Variants in NR2C1 observed in about 807,000 individuals in gnomAD.
The protein encoded by NR2C1 is TR2 nuclear hormone receptor.
In NR2C1, 33 loss-of-function variants were observed where a neutral mutation model predicts 74.8. The ratio of observed to expected loss-of-function variants is 0.44; its 90% CI spans 0.33 to 0.59. NR2C1 has a LOEUF of 0.59. NR2C1 is among the 20% of genes least tolerant of loss of function. The pLI, the probability that NR2C1 is intolerant of heterozygous loss-of-function variation, is 0.02. For missense variants in NR2C1, 568 were observed against 715.6 expected, an observed-to-expected ratio of 0.79 and a Z score of 2.35; for synonymous variants, 225 against 240.6, an observed-to-expected ratio of 0.94 and a Z score of 0.60.
In NR2C1 at chr12:95,059,821, GTAGTGTGGTAGT is replaced by G. The variant is rs1874477858; in HGVS notation, c.364+73_364+84del. 6.3e-5 allele frequency: 55 copies of G among 870,252 alleles called. No homozygotes were observed. In the South Asian group the frequency reaches 9.3e-4, roughly 15 times the overall value. 53.9% of individuals were successfully genotyped at this position (870,252 alleles called of 1,614,324 possible). A position where few individuals can be genotyped will look rare whatever the true frequency, so the allele number is the denominator to read the frequency against. On this transcript the variant is annotated intron_variant, in intron 4 of 13. Transcript: ENST00000333003. ...TCTTACTTTTAGTAGAAGAAACATGGTAGTGTGGTAGTTATTTCAACAACACGACACATATAG... is the reference window on the plus strand; with the variant it reads ...TCTTACTTTTAGTAGAAGAAACATGGTATTTCAACAACACGACACATATAG...
Position 95,031,339 on chromosome 12 carries a change from T to TGC in NR2C1, c.1393+8_1393+9dup. 6.4e-7 allele frequency: 1 copy of TGC among 1,570,170 alleles called. No individual in the cohort carries two copies. On this transcript the variant is annotated intron_variant, in intron 11 of 13. Coordinates refer to ENST00000333003, the MANE Select transcript of NR2C1 (RefSeq NM_003297.4). ...TACAACCTGGAAAAGGTAAGGAAGGTGCTTTTTACCTTGTTGAAGACTATT... is the reference window on the plus strand; with the variant it reads ...TACAACCTGGAAAAGGTAAGGAAGGTGCGCTTTTTACCTTGTTGAAGACTATT...
At chr12:95,063,365 G>A (rs1312977716) in intron 2 of NR2C1, among the ~76,000 whole-genome samples, 2 of 152,150 alleles carry the variant, frequency 1.3e-5, no homozygotes, top group East Asian at 3.9e-4. Context: ...ACAAGGCACA[G>A]CAATAGAGAT....
At chr12:95,030,694 G>A in intron 11 of NR2C1, 1 of 1,601,864 alleles carries the variant, frequency 6.2e-7, no homozygotes. Context: ...AATAGAATAT[G>A]CTAAAGAACT....
chr12:95,042,559 G>A (rs1464325191), intron 9 of NR2C1, among the ~76,000 whole-genome samples: 2 of 150,818 alleles, frequency 1.3e-5, no homozygotes, highest in African/African-American at 5.0e-5. Context: ...GCCCCTCAAA[G>A]GTATCTTCTA....
chr12:95,033,781 A>G (rs1450456392), intron 10 of NR2C1, among the ~76,000 whole-genome samples: 1 of 152,252 alleles, frequency 6.6e-6, no homozygotes, highest in Non-Finnish European at 1.5e-5. Flanking sequence ...AGACCAATGC[A>G]GTACATGGTA....
chr12:95,020,799 C>G lies in NR2C1; in HGVS notation c.*1430G>C, dbSNP rs1452368737. 1 of 152,120 alleles carries G rather than the reference C, an allele frequency of 6.6e-6. No individual in the cohort carries two copies. The highest frequency in any genetic ancestry group is 1.5e-5 in the Non-Finnish European group (1 of 68,020). The allele number at this position is 152,120 out of a possible 1,614,324, so 9.4% of individuals were successfully genotyped here. A position where few individuals can be genotyped will look rare whatever the true frequency, so the allele number is the denominator to read the frequency against. On this transcript the variant is annotated 3_prime_UTR_variant, in exon 14 of 14. Transcript: ENST00000333003. Reference sequence around the variant, plus strand: ...TCAGGTTTGCTAAAAGAATAAATTACTGTGGAAGACATCCGAGGAGTCTAA... The same window carrying G: ...TCAGGTTTGCTAAAAGAATAAATTAGTGTGGAAGACATCCGAGGAGTCTAA...
At chr12:95,040,716 G>A in intron 9 of NR2C1, 119 bp from the exon 10 acceptor site, 1 of 933,998 alleles carries the variant, frequency 1.1e-6, no homozygotes, top group Non-Finnish European at 1.5e-6. Flanking sequence ...CACAAAAAAA[G>A]CTAATCTTGA....
intron 4 of NR2C1, among the ~76,000 whole-genome samples, chr12:95,059,088 G>A (rs902078097): frequency 6.6e-5 from 10 of 151,536 alleles, no homozygotes; most frequent in Non-Finnish European, 1.3e-4. Context: ...GATCACTTGA[G>A]GTCAGGAGTT....
At chr12:95,038,913 C>T (rs1871182618) in intron 10 of NR2C1, among the ~76,000 whole-genome samples, 1 of 151,970 alleles carries the variant, frequency 6.6e-6, no homozygotes, top group South Asian at 2.1e-4. Context: ...AATCAATTGC[C>T]AATATGCAAA....
chr12:95,026,633 A>G (rs147226424), intron 12 of NR2C1, among the ~76,000 whole-genome samples: 1 of 152,360 alleles, frequency 6.6e-6, no homozygotes, highest in African/African-American at 2.4e-5. Flanking sequence ...CTAAGAATAG[A>G]GACATACGTT....
chr12:95,056,360 G>C (rs961305394), intron 7 of NR2C1, among the ~76,000 whole-genome samples: 2 of 152,120 alleles, frequency 1.3e-5, no homozygotes, highest in African/African-American at 4.8e-5. Flanking sequence ...TTTGCTTCTT[G>C]TTCTCCCAAA....
Position 95,037,819 on chromosome 12 carries a change from C to T in NR2C1, c.1253+2657G>A, listed in dbSNP as rs377629273. Among the ~76,000 whole-genome samples, 175 of 145,786 alleles carry T rather than the reference C, an allele frequency of 1.2e-3. 1 individual carries two copies. Among genetic ancestry groups the T allele is most frequent in the African/African-American group, 4.3e-3 (166 of 38,884 alleles). On this transcript the variant is annotated intron_variant, in intron 10 of 13. Transcript: ENST00000333003. ...CTGAGGCAGGAGAATGGCCTGAACC[C>T]GGGAGGCGGAGCTTGCACTGAGCGG... is the stretch of plus-strand genomic sequence containing the variant.
chr12:95,071,473 T>C (rs1466652602), intron 1 of NR2C1, among the ~76,000 whole-genome samples: 3 of 152,158 alleles, frequency 2.0e-5, no homozygotes, highest in Non-Finnish European at 4.4e-5. Flanking sequence ...TTTGTTTTTA[T>C]TCCCCAAGAG....
At position 95,051,743 on chromosome 12, in the gene NR2C1, T is replaced by G; in HGVS notation, c.965+19A>C. The G allele has an allele frequency of 6.3e-7, 1 of 1,575,042 alleles. No homozygotes were observed. Among genetic ancestry groups the G allele is most frequent in the South Asian group, 1.2e-5 (1 of 84,204 alleles). ...AGACATGTAAACAAAAGGACATTGA[T>G]AATCAAAAGATACCTTACCTTGAAA... On this transcript the variant is annotated intron_variant, in intron 8 of 13. Transcript: ENST00000333003.
Position 95,057,797 on chromosome 12 carries a change from A to T in NR2C1, c.626T>A (p.Ile209Asn). Residue 209 changes from isoleucine to asparagine, a missense_variant, in exon 6 of 14, where the codon ATC becomes AAC. Physicochemically the swap from Ile to Asn is moderately radical, Grantham distance 149. This residue lies in a region of NR2C1 where 239 missense variants were observed against 232.3 expected (regional missense o/e 1.03). Coordinates refer to ENST00000333003, the MANE Select transcript of NR2C1 (RefSeq NM_003297.4). ...TAATGGGCTACGAAGGTCCTTTCGG[A>T]TATAGATTTTTTCTGTTGAAGCGGC... ...NCAASTEKIY[I>N]RKDLRSPLTA... is the part of the protein sequence containing the mutation. 2.5e-6 allele frequency: 4 copies of T among 1,614,140 alleles called. No homozygotes were observed. Among genetic ancestry groups the T allele is most frequent in the Non-Finnish European group, 3.4e-6 (4 of 1,180,008 alleles).
chr12:95,059,253 G>T (rs956419327), intron 4 of NR2C1, among the ~76,000 whole-genome samples: 13 of 149,602 alleles, frequency 8.7e-5, no homozygotes, highest in African/African-American at 3.2e-4. Flanking sequence ...AGTGAGCCGA[G>T]ATTGCACCAC....
chr12:95,031,210 A>C, intron 11 of NR2C1, 139 bp downstream of exon 11: 3 of 717,608 alleles, frequency 4.2e-6, no homozygotes, highest in Non-Finnish European at 6.0e-6. Flanking sequence ...AAAATTGTAA[A>C]AATTATCTAA....
intron 9 of NR2C1, among the ~76,000 whole-genome samples, chr12:95,048,282 T>C (rs1453699886): frequency 6.6e-6 from 1 of 152,200 alleles, no homozygotes; most frequent in Non-Finnish European, 1.5e-5. Flanking sequence ...ACATAACAAA[T>C]GGAGCTCTTT....
rs1329851667 is a variant in NR2C1 at position 95,020,249 on chromosome 12, A to G, written c.*1980T>C. On this transcript the variant is annotated 3_prime_UTR_variant, in exon 14 of 14. Transcript: ENST00000333003. ...ATCACTGAAAAGGAAAATGAATAAT[A>G]TATTTACAAATATACTGGTAAGACA... 1 of 152,238 alleles carries G rather than the reference A, an allele frequency of 6.6e-6. No individual in the cohort carries two copies. Among genetic ancestry groups the G allele is most frequent in the South Asian group, 2.1e-4 (1 of 4,832 alleles). 9.4% of individuals were successfully genotyped at this position (152,238 alleles called of 1,614,324 possible). A position where few individuals can be genotyped will look rare whatever the true frequency, so the allele number is the denominator to read the frequency against.
Sources: gnomAD v4.1 joint callset for allele counts (sites outside exome capture counted in the v4.1 genomes callset) on GRCh38, gnomAD v4.1.1 for gene constraint, gnomAD v4.1.1 regional missense constraint, MANE v1.5 for transcripts, NCBI Gene and HGNC (gene_info 2026-07-23, HGNC 2026-07-21) for gene names.